ZNF561: variants seen among roughly 807,000 people sequenced by gnomAD.
ZNF561 encodes zinc finger protein 561.
A neutral mutation model predicts 16.7 loss-of-function variants in ZNF561; 16 were observed. That is an observed-to-expected ratio of 0.96 (90% CI 0.65 to 1.45). The LOEUF is 1.45. ZNF561 is among the 40% of genes most tolerant of loss of function. The probability of loss-of-function intolerance (pLI) is 0.00; values close to 1 mark genes in which losing one functional copy is unlikely to be tolerated. For synonymous variants in ZNF561, 190 were observed against 192.1 expected, an observed-to-expected ratio of 0.99 and a Z score of 0.09; for missense variants, 580 against 578.0, an observed-to-expected ratio of 1.00 and a Z score of -0.04.
At chr19:9,620,497 A>G (rs1475490763) in intron 1 of ZNF561, among the ~76,000 whole-genome samples, 1 of 152,166 alleles carries the variant, frequency 6.6e-6, no homozygotes, top group African/African-American at 2.4e-5. Context: ...AAGTGCTGGG[A>G]TAATAAGCAT....
chr19:9,610,837 T>G lies in ZNF561; in HGVS notation c.824A>C (p.His275Pro), dbSNP rs768855663. The G allele has an allele frequency of 1.9e-6, 3 of 1,614,176 alleles. No individual in the cohort carries two copies. Among genetic ancestry groups the G allele is most frequent in the Non-Finnish European group, 2.5e-6 (3 of 1,180,012 alleles). ...FSQLYAPVKT[H>P]KGEKSFECKE... Reference sequence around the variant, plus strand: ...ACATTCAAAGGACTTCTCTCCTTTATGAGTTTTCACAGGTGCATAAAGTTG... The same window carrying G: ...ACATTCAAAGGACTTCTCTCCTTTAGGAGTTTTCACAGGTGCATAAAGTTG... Residue 275 changes from histidine (H) to proline (P), a missense_variant, in exon 6 of 6, where the codon CAT becomes CCT. By Grantham distance (77) the His-to-Pro change is moderately conservative. Transcript: ENST00000302851.
chr19:9,614,658 G>T (rs1471208204), intron 4 of ZNF561, among the ~76,000 whole-genome samples: 2 of 152,004 alleles, frequency 1.3e-5, no homozygotes, highest in Non-Finnish European at 2.9e-5. Flanking sequence ...TTCGGGAAAG[G>T]AAAGTAGGAA....
At position 9,617,189 on chromosome 19, in the gene ZNF561, T is replaced by G; in HGVS notation, c.115-18A>C. On this transcript the variant is annotated intron_variant, in intron 3 of 5. Transcript: ENST00000302851. ...ACTGAATCCTATGTCATCATACACATGCTGGTTTGAGCCAATGAACACTTC... is the reference window on the plus strand; with the variant it reads ...ACTGAATCCTATGTCATCATACACAGGCTGGTTTGAGCCAATGAACACTTC... 1 of 1,609,242 alleles carries G rather than the reference T, an allele frequency of 6.2e-7. No individual in the cohort carries two copies.
chr19:9,616,953 C>T (rs549775838), intron 4 of ZNF561, 92 bp downstream of exon 4: 12 of 1,475,088 alleles, frequency 8.1e-6, no homozygotes, highest in Admixed American at 6.6e-5. Flanking sequence ...TATCAAACTC[C>T]CAGGCTCCAG....
chr19:9,614,755 C>T (rs1257165941), intron 4 of ZNF561, among the ~76,000 whole-genome samples: 1 of 150,778 alleles, frequency 6.6e-6, no homozygotes, highest in African/African-American at 2.4e-5. Flanking sequence ...GAATGTTTGA[C>T]AAGATGGAAA....
At chr19:9,613,154 T>C (rs1448221586) in intron 5 of ZNF561, among the ~76,000 whole-genome samples, 8 of 152,208 alleles carry the variant, frequency 5.3e-5, no homozygotes, top group Non-Finnish European at 1.2e-4. Flanking sequence ...TGTGGGAATG[T>C]GTACTTGTGG....
chr19:9,619,353 G>C, intron 2 of ZNF561, 79 bp downstream of exon 2: 1 of 1,470,528 alleles, frequency 6.8e-7, no homozygotes. Context: ...GCCTGCTCAG[G>C]CTCAGCTCAC....
rs2074402409 is a variant in ZNF561, at chr19:9,609,215, C to A, written c.*985G>T. 6.6e-6 allele frequency: 1 copy of A among 152,168 alleles called. No homozygotes were observed. Among genetic ancestry groups the A allele is most frequent in the Admixed American group, 6.6e-5 (1 of 15,266 alleles). 9.4% of individuals were successfully genotyped at this position (152,168 alleles called of 1,614,324 possible). ...TAATCTATAGAAATAATGTTTATCA[C>A]AGGCTTACTGTCAATAAATATGTGG... is the stretch of plus-strand genomic sequence containing the variant. On this transcript the variant is annotated 3_prime_UTR_variant, in exon 6 of 6. Transcript: ENST00000302851.
Position 9,608,316 on chromosome 19 carries a change from G to A in ZNF561, c.*1884C>T, listed in dbSNP as rs1223747194. 1 of 151,920 alleles carries A rather than the reference G, an allele frequency of 6.6e-6. No homozygotes were observed. The highest frequency in any genetic ancestry group is 2.4e-5 in the African/African-American group (1 of 41,370). The allele number at this position is 151,920 out of a possible 1,614,324, so 9.4% of individuals were successfully genotyped here. ...GAGGAGAAAGGAGAGAGGAGAGAGAGACCTATTTGTTGGTTTCCTTCCTGT... is the reference window on the plus strand; with the variant it reads ...GAGGAGAAAGGAGAGAGGAGAGAGAAACCTATTTGTTGGTTTCCTTCCTGT... On this transcript the variant is annotated 3_prime_UTR_variant, in exon 6 of 6. Coordinates refer to ENST00000302851, the MANE Select transcript of ZNF561 (RefSeq NM_152289.3).
In ZNF561 at chr19:9,617,124, C is replaced by T. The variant is rs1266581756; in HGVS notation, c.162G>A (p.Glu54=). The T allele has an allele frequency of 3.1e-6, 5 of 1,613,806 alleles. No homozygotes were observed. In the East Asian group the frequency reaches 8.9e-5, roughly 29 times the overall value. Residue 54 remains glutamate, a synonymous_variant, in exon 4 of 6, where the codon GAG becomes GAA. Coordinates refer to ENST00000302851, the MANE Select transcript of ZNF561 (RefSeq NM_152289.3). ...DDVAVDFTPE[E]WALLDTTEKY... ...TCTCAGTTGTGTCCAGTAAAGCCCA[C>T]TCCTCTGGGGTGAAGTCCACAGCCA...
chr19:9,619,257 A>T, intron 2 of ZNF561, 175 bp downstream of exon 2: 2 of 386,246 alleles, frequency 5.2e-6, no homozygotes, highest in Non-Finnish European at 8.5e-6. Context: ...ATTCTGTCTC[A>T]AAAATAAATA....
In ZNF561 at chr19:9,611,164, T is replaced by C. The variant is rs754214862; in HGVS notation, c.497A>G (p.Gln166Arg). 9.9e-6 allele frequency: 16 copies of C among 1,614,042 alleles called. No individual in the cohort carries two copies. The East Asian group carries it at 3.1e-4, about 31-fold the overall frequency. Residue 166 changes from glutamine to arginine, a missense_variant, in exon 6 of 6, where the codon CAG becomes CGG. Gln to Arg is a conservative substitution (Grantham distance 43). Coordinates refer to ENST00000302851, the MANE Select transcript of ZNF561 (RefSeq NM_152289.3). ...LSVHKEASTG[Q>R]ELSKFNPCGK... ...ACATGGATTAAATTTGGAAAGTTCC[T>C]GTCCAGTAGAGGCTTCCTTGTGCAC... is the stretch of plus-strand genomic sequence containing the variant.
chr19:9,613,823 TA>T (rs1366543783), intron 5 of ZNF561, among the ~76,000 whole-genome samples, 197 bp downstream of exon 5: 2 of 152,118 alleles, frequency 1.3e-5, no homozygotes, highest in Non-Finnish European at 2.9e-5. Context: ...ACCTTCTTTT[TA>T]AAATCAGAGA....
At chr19:9,619,939 T>TATCTATCTATCTATCTATCTATC (rs1374996433) in intron 1 of ZNF561, among the ~76,000 whole-genome samples, 1 of 151,982 alleles carries the variant, frequency 6.6e-6, no homozygotes, top group Admixed American at 6.6e-5. Flanking sequence ...TCTATCTATC[T>TATCTATCTATCTATCTATCTATC]ATCTATCGAG....
rs921842904 is a variant in ZNF561, at chr19:9,611,450, A to AT, written c.325-115dup. On this transcript the variant is annotated intron_variant, in intron 5 of 5. Transcript: ENST00000302851. ...TTATGATTTTACTTTTTAATATTTA[A>AT]TTTTTTTTTCTTTTTGAGAGAAAGT... 598 of 1,147,558 alleles carry AT rather than the reference A, an allele frequency of 5.2e-4. 1 individual carries two copies. The highest frequency in any genetic ancestry group is 1.0e-3 in the Middle Eastern group (4 of 3,910). 71.1% of individuals were successfully genotyped at this position (1,147,558 alleles called of 1,614,324 possible). A position where few individuals can be genotyped will look rare whatever the true frequency, so the allele number is the denominator to read the frequency against.
intron 1 of ZNF561, among the ~76,000 whole-genome samples, chr19:9,619,837 C>CTCTA (rs762328120): frequency 2.6e-5 from 4 of 151,146 alleles, no homozygotes; most frequent in African/African-American, 9.8e-5. Flanking sequence ...CTATCATTAC[C>CTCTA]TCTATCTATC....
rs377082034 is a variant in ZNF561, at chr19:9,610,194, G to A, written c.*6C>T. 21 of 1,554,318 alleles carry A rather than the reference G, an allele frequency of 1.4e-5. No homozygotes were observed. The highest frequency in any genetic ancestry group is 4.0e-5 in the Admixed American group (2 of 49,644). ...TTGCCAATAATTAAAGATGGCAACC[G>A]ATGGGCTAAATGGTAACACTCATAT... is the stretch of plus-strand genomic sequence containing the variant. On this transcript the variant is annotated 3_prime_UTR_variant, in exon 6 of 6. Coordinates refer to ENST00000302851, the MANE Select transcript of ZNF561 (RefSeq NM_152289.3).
At chr19:9,613,721 C>T (rs748240113) in intron 5 of ZNF561, among the ~76,000 whole-genome samples, 6 of 152,084 alleles carry the variant, frequency 3.9e-5, no homozygotes, top group Non-Finnish European at 5.9e-5. Context: ...TTCACCATGT[C>T]GGCCAGCCTG....
Position 9,608,793 on chromosome 19 carries a change from T to G in ZNF561, c.*1407A>C, listed in dbSNP as rs145247277. 7.6e-4 allele frequency: 116 copies of G among 152,226 alleles called. No homozygotes were observed. Among genetic ancestry groups the G allele is most frequent in the African/African-American group, 2.5e-3 (104 of 41,548 alleles). 9.4% of individuals were successfully genotyped at this position (152,226 alleles called of 1,614,324 possible). A position where few individuals can be genotyped will look rare whatever the true frequency, so the allele number is the denominator to read the frequency against. On this transcript the variant is annotated 3_prime_UTR_variant, in exon 6 of 6. Coordinates refer to ENST00000302851, the MANE Select transcript of ZNF561 (RefSeq NM_152289.3). ...TGCGGAAGGTAGAGCTTGAGAGAGA[T>G]AAAACTGGTTATGTATCACTAAGAT... is the stretch of plus-strand genomic sequence containing the variant.
Sources: gnomAD v4.1 joint callset for allele counts (sites outside exome capture counted in the v4.1 genomes callset) on GRCh38, gnomAD v4.1.1 for gene constraint, MANE v1.5 for transcripts, NCBI Gene and HGNC (gene_info 2026-07-23, HGNC 2026-07-21) for gene names.